Variants in SYMPK observed in about 807,000 individuals in gnomAD.
SYMPK encodes the protein symplekin.
A neutral mutation model predicts 136.4 loss-of-function variants in SYMPK; 49 were observed. That is an observed-to-expected ratio of 0.36 (90% CI 0.29 to 0.46). SYMPK has a LOEUF of 0.46. SYMPK is among the 20% of genes least tolerant of loss of function. The probability of loss-of-function intolerance (pLI) is 1.00; values close to 1 mark genes in which losing one functional copy is unlikely to be tolerated. For missense variants in SYMPK, 1,365 were observed against 1,690.0 expected (o/e 0.81, Z 3.37); for synonymous variants, 766 against 713.0 (o/e 1.07, Z -1.19).
chr19:45,854,002 T>G (rs1334253315), intron 3 of SYMPK, among the ~76,000 whole-genome samples, 173 bp downstream of exon 3: 1 of 152,194 alleles, frequency 6.6e-6, no homozygotes, highest in East Asian at 1.9e-4. Context: ...GAAACTACCC[T>G]GCCTTACAGA....
chr19:45,822,968 CT>C, intron 20 of SYMPK, 122 bp from the exon 21 acceptor site: 3 of 766,618 alleles, frequency 3.9e-6, no homozygotes, highest in Non-Finnish European at 6.7e-6. Context: ...CACTGAGCCC[CT>C]CCTACCCTCA....
chr19:45,817,417 C>CTCTTTTTTTTT (rs1568605965), intron 23 of SYMPK, among the ~76,000 whole-genome samples: 7 of 108,478 alleles, frequency 6.5e-5, no homozygotes, highest in African/African-American at 1.8e-4. Context: ...TTTTTGTTCT[C>CTCTTTTTTTTT]TTTTTTTTTT....
intron 5 of SYMPK, among the ~76,000 whole-genome samples, chr19:45,849,783 C>T (rs146389171): frequency 3.2e-4 from 49 of 152,158 alleles, no homozygotes; most frequent in East Asian, 9.7e-4. Flanking sequence ...CAGTGGCTCA[C>T]GCCTGTAATC....
intron 16 of SYMPK, among the ~76,000 whole-genome samples, chr19:45,826,664 G>A (rs978067252): frequency 2.0e-5 from 3 of 152,156 alleles, no homozygotes; most frequent in Non-Finnish European, 2.9e-5. Context: ...TTCCTTAAAA[G>A]TGCCACTCCC....
At position 45,852,196 on chromosome 19, in the gene SYMPK, A is replaced by G. The variant is rs1479652468; in HGVS notation, c.299+116T>C. 29 of 1,045,722 alleles carry G rather than the reference A, an allele frequency of 2.8e-5. 1 individual carries two copies. The highest frequency in any genetic ancestry group is 3.7e-5 in the Non-Finnish European group (25 of 672,132). The allele number at this position is 1,045,722 out of a possible 1,614,324, so 64.8% of individuals were successfully genotyped here. ...TGGGGAATCAGTGTGTATGAGAGAG[A>G]GAAAGGGTCTGGGAAGCAGAGGGCA... is the stretch of plus-strand genomic sequence containing the variant. On this transcript the variant is annotated intron_variant, in intron 5 of 26. Coordinates refer to ENST00000245934, the MANE Select transcript of SYMPK (RefSeq NM_004819.3).
chr19:45,852,811 G>A (rs1225133313), intron 3 of SYMPK, among the ~76,000 whole-genome samples: 1 of 152,164 alleles, frequency 6.6e-6, no homozygotes, highest in Non-Finnish European at 1.5e-5. Context: ...GGTCCTGGTA[G>A]ATAGTGAGGA....
At chr19:45,830,262 T>A in intron 12 of SYMPK, 58 bp from the exon 13 acceptor site, 1 of 1,551,492 alleles carries the variant, frequency 6.4e-7, no homozygotes. Context: ...AAGGCCTGTC[T>A]GGTGACTCTC....
intron 7 of SYMPK, among the ~76,000 whole-genome samples, chr19:45,846,859 T>A (rs991789641): frequency 4.0e-5 from 6 of 151,778 alleles, no homozygotes; most frequent in Non-Finnish European, 8.8e-5. Flanking sequence ...AGTGGCACAG[T>A]CTCAGCTCAC....
intron 18 of SYMPK, among the ~76,000 whole-genome samples, chr19:45,824,885 G>C (rs1312843735): frequency 6.6e-6 from 1 of 152,224 alleles, no homozygotes; most frequent in Non-Finnish European, 1.5e-5. Flanking sequence ...GGAGGGACTG[G>C]AACGTCTTCC....
intron 7 of SYMPK, among the ~76,000 whole-genome samples, chr19:45,846,345 C>G (rs1183376321): frequency 1.3e-5 from 2 of 152,216 alleles, no homozygotes; most frequent in Non-Finnish European, 2.9e-5. Context: ...ATGATTCTCA[C>G]AGGGAAGGAC....
chr19:45,848,729 G>A, intron 6 of SYMPK, 21 bp downstream of exon 6: 1 of 1,612,996 alleles, frequency 6.2e-7, no homozygotes, highest in South Asian at 1.1e-5. Flanking sequence ...GGATGGCCCT[G>A]GGTGGGGAGG....
intron 12 of SYMPK, 151 bp from the exon 13 acceptor site, chr19:45,830,355 G>T: frequency 1.2e-6 from 1 of 862,788 alleles, no homozygotes; most frequent in Non-Finnish European, 1.7e-6. Context: ...TCTGAGGCAC[G>T]GTGTGGCGGT....
At chr19:45,857,468 A>G (rs968193121) in intron 1 of SYMPK, among the ~76,000 whole-genome samples, 3 of 151,348 alleles carry the variant, frequency 2.0e-5, no homozygotes, top group Non-Finnish European at 4.4e-5. Context: ...CCAAAAAAAC[A>G]ATAATCTGAG....
Position 45,831,464 on chromosome 19 carries a change from C to T in SYMPK, c.1518G>A (p.Leu506=), listed in dbSNP as rs753089244. Residue 506 remains leucine (L), a synonymous_variant, in exon 12 of 27, where the codon CTG becomes CTA. Transcript: ENST00000245934. The part of the protein sequence containing the change: ...QGQAISVVGS[L]SSMSPLEEEA... ...CTTCCTCCAGGGGGGACATGGAGCT[C>T]AGGGAACCCACCACCGAGATGGCTT... 4 of 1,591,450 alleles carry T rather than the reference C, an allele frequency of 2.5e-6. No individual in the cohort carries two copies. In the African/African-American group the frequency reaches 4.4e-5, roughly 17 times the overall value.
At chr19:45,818,495 G>T (rs933241626) in intron 22 of SYMPK, among the ~76,000 whole-genome samples, 2 of 152,136 alleles carry the variant, frequency 1.3e-5, no homozygotes, top group Non-Finnish European at 2.9e-5. Context: ...GCTAGGGAGG[G>T]AAGGCAGCTA....
chr19:45,817,592 T>C lies in SYMPK; in HGVS notation c.3081+367A>G, dbSNP rs1970783834. On this transcript the variant is annotated intron_variant, in intron 23 of 26. Coordinates refer to ENST00000245934, the MANE Select transcript of SYMPK (RefSeq NM_004819.3). Reference sequence around the variant, plus strand: ...CATTACAGGTGTGAACCATCACACCTGGCCTTATCGTGGTATTTCTAAAGC... The same window carrying C: ...CATTACAGGTGTGAACCATCACACCCGGCCTTATCGTGGTATTTCTAAAGC... 2.0e-5 allele frequency among the ~76,000 whole-genome samples: 3 copies of C among 152,198 alleles called. No homozygotes were observed. The South Asian group carries it at 6.2e-4, about 32-fold the overall frequency.
intron 9 of SYMPK, among the ~76,000 whole-genome samples, chr19:45,841,954 G>A (rs927405632): frequency 3.3e-5 from 5 of 151,550 alleles, no homozygotes; most frequent in African/African-American, 1.2e-4. Context: ...TAATTCTATT[G>A]TAATTTATAT....
At chr19:45,842,648 TG>T (rs1178464547) in intron 8 of SYMPK, 159 bp from the exon 9 acceptor site, 1 of 967,668 alleles carries the variant, frequency 1.0e-6, no homozygotes, top group East Asian at 2.6e-5. Context: ...CCTTACAAGC[TG>T]ATGCTTCAAA....
At chr19:45,828,536 A>C (rs1345308716) in intron 14 of SYMPK, 1 of 190,862 alleles carries the variant, frequency 5.2e-6, no homozygotes, top group African/African-American at 2.4e-5. Context: ...GGATTTATAT[A>C]ATAAAATGTT....
Sources: gnomAD v4.1 joint callset for allele counts (sites outside exome capture counted in the v4.1 genomes callset) on GRCh38, gnomAD v4.1.1 for gene constraint, MANE v1.5 for transcripts, NCBI Gene and HGNC (gene_info 2026-07-23, HGNC 2026-07-21) for gene names.